Variants in EML6 observed in about 807,000 individuals in gnomAD.
EML6 encodes echinoderm microtubule-associated protein-like 6.
A neutral mutation model predicts 240.1 loss-of-function variants in EML6; 154 were observed. The ratio of observed to expected loss-of-function variants is 0.64; its 90% confidence interval spans 0.56 to 0.73. The LOEUF is 0.73. Among genes scored for constraint, EML6 ranks in the 30% least tolerant of loss-of-function variants. The pLI is 0.00. For missense variants in EML6, 2,964 were observed against 2,474.6 expected, an observed-to-expected ratio of 1.20 and a Z score of -4.20; for synonymous variants, 1,148 against 899.0, an observed-to-expected ratio of 1.28 and a Z score of -4.95.
chr2:54,836,963 C>A (rs1034484429), intron 7 of EML6, among the ~76,000 whole-genome samples: 4 of 152,152 alleles, frequency 2.6e-5, no homozygotes, highest in African/African-American at 9.7e-5. Flanking sequence ...ATCCAGGCTC[C>A]CTAGGTGGCC....
At chr2:54,790,495 A>G (rs1282663413) in intron 2 of EML6, among the ~76,000 whole-genome samples, 1 of 152,148 alleles carries the variant, frequency 6.6e-6, no homozygotes. Context: ...TGTGTGTACA[A>G]CACCATACTC....
At chr2:54,967,149 T>C in intron 39 of EML6, 46 bp downstream of exon 39, 1 of 1,259,260 alleles carries the variant, frequency 7.9e-7, no homozygotes, top group Non-Finnish European at 1.1e-6. Context: ...CACAAGGGAG[T>C]CTCTTGTCTC....
chr2:54,908,193 C>T (rs902035923), intron 24 of EML6, among the ~76,000 whole-genome samples: 2 of 151,708 alleles, frequency 1.3e-5, no homozygotes, highest in African/African-American at 4.8e-5. Flanking sequence ...AACAGAAACC[C>T]ACTCAAACCA....
intron 2 of EML6, among the ~76,000 whole-genome samples, chr2:54,775,305 A>G (rs533076466): frequency 6.6e-6 from 1 of 152,002 alleles, no homozygotes; most frequent in African/African-American, 2.4e-5. Flanking sequence ...CTCTGACCCC[A>G]TTTCTGTCCC....
At chr2:54,829,200 C>A (rs1157114151) in intron 6 of EML6, 142 bp from the exon 7 acceptor site, 5 of 652,276 alleles carry the variant, frequency 7.7e-6, no homozygotes, top group Non-Finnish European at 1.2e-5. Flanking sequence ...GCTACTTGGT[C>A]TATTGTCAGC....
At chr2:54,954,353 A>G (rs1294900992) in intron 32 of EML6, among the ~76,000 whole-genome samples, 197 bp downstream of exon 32, 2 of 152,186 alleles carry the variant, frequency 1.3e-5, no homozygotes, top group East Asian at 1.9e-4. Flanking sequence ...TCCCAGGGCC[A>G]GGAGGAGGCT....
At chr2:54,901,749 T>C (rs1419731590) in intron 22 of EML6, among the ~76,000 whole-genome samples, 1 of 152,184 alleles carries the variant, frequency 6.6e-6, no homozygotes, top group Non-Finnish European at 1.5e-5. Flanking sequence ...ACAGAGGAGT[T>C]GGTAAAGAGG....
intron 24 of EML6, among the ~76,000 whole-genome samples, chr2:54,906,638 TG>T (rs1354831913): frequency 1.3e-5 from 2 of 152,088 alleles, no homozygotes; most frequent in Non-Finnish European, 2.9e-5. Context: ...GTGCTTTCTG[TG>T]GATTGAGAGT....
chr2:54,798,419 G>A (rs929530786), intron 2 of EML6, among the ~76,000 whole-genome samples: 4 of 151,966 alleles, frequency 2.6e-5, no homozygotes, highest in Non-Finnish European at 5.9e-5. Flanking sequence ...GTGATCTGCC[G>A]GCCTCAGCCC....
At chr2:54,877,979 G>T (rs1165254929) in intron 16 of EML6, among the ~76,000 whole-genome samples, 1 of 152,212 alleles carries the variant, frequency 6.6e-6, no homozygotes, top group East Asian at 1.9e-4. Flanking sequence ...CATGGGCATT[G>T]GTTAGCAATT....
In EML6 at chr2:54,892,111, T is replaced by C. The variant is rs1478310414; in HGVS notation, c.2540-343T>C. Among the ~76,000 whole-genome samples the C allele has an allele frequency of 2.0e-5, 3 of 152,214 alleles. No homozygotes were observed. The East Asian group carries it at 5.8e-4, about 29-fold the overall frequency. On this transcript the variant is annotated intron_variant, in intron 18 of 41. Coordinates refer to ENST00000356458, the MANE Select transcript of EML6 (RefSeq NM_001039753.4). ...TTTCTCTTGGCTGACACAGAACTTG[T>C]GCTGAGCCTCAGTTAGACGCATGTC...
chr2:54,846,898 A>G (rs1295334970), intron 8 of EML6, among the ~76,000 whole-genome samples: 2 of 149,882 alleles, frequency 1.3e-5, no homozygotes, highest in African/African-American at 2.4e-5. Context: ...TTCCAAAGTG[A>G]AAGTAATATT....
intron 28 of EML6, among the ~76,000 whole-genome samples, chr2:54,930,029 C>A (rs1674770069): frequency 6.6e-6 from 1 of 152,032 alleles, no homozygotes. Context: ...CATGAATAGG[C>A]CTCCCACTTA....
At chr2:54,747,573 G>A (rs368191254) in intron 2 of EML6, 2 of 152,152 alleles carry the variant, frequency 1.3e-5, no homozygotes, top group East Asian at 1.9e-4. Flanking sequence ...GAGAAAATTA[G>A]TATGCATGTC....
intron 28 of EML6, among the ~76,000 whole-genome samples, chr2:54,931,387 G>A (rs963417151): frequency 1.3e-5 from 2 of 152,156 alleles, no homozygotes; most frequent in Non-Finnish European, 2.9e-5. Flanking sequence ...GCATATCTTA[G>A]TCCTCATCTA....
At chr2:54,760,166 A>G (rs1667915871) in intron 2 of EML6, among the ~76,000 whole-genome samples, 3 of 151,148 alleles carry the variant, frequency 2.0e-5, no homozygotes, top group African/African-American at 7.3e-5. Context: ...ATCATTGAAA[A>G]TTAATTTTTA....
At chr2:54,899,836 G>T in intron 22 of EML6, 54 bp downstream of exon 22, 2 of 1,491,198 alleles carry the variant, frequency 1.3e-6, no homozygotes, top group Non-Finnish European at 1.8e-6. Context: ...AACAGAATGT[G>T]TCATATTTAT....
At chr2:54,791,176 C>A (rs951142717) in intron 2 of EML6, among the ~76,000 whole-genome samples, 3 of 151,858 alleles carry the variant, frequency 2.0e-5, no homozygotes, top group Non-Finnish European at 4.4e-5. Flanking sequence ...GTAGGGTTTT[C>A]AGCTTTATTT....
At chr2:54,927,951 C>T (rs922889226) in intron 26 of EML6, among the ~76,000 whole-genome samples, 15 of 152,210 alleles carry the variant, frequency 9.9e-5, no homozygotes, top group Admixed American at 1.3e-4. Context: ...CTTTTGATCT[C>T]AGATGTCAGC....
Sources: allele counts gnomAD v4.1 joint callset (sites outside exome capture counted in the v4.1 genomes callset), GRCh38; gene constraint gnomAD v4.1.1; transcripts MANE v1.5; gene names NCBI Gene and HGNC (gene_info 2026-07-23, HGNC 2026-07-21).